Variants in TENM4 observed in about 807,000 individuals in gnomAD.
TENM4 encodes teneurin transmembrane protein 4.
Under a neutral mutation model 243.3 loss-of-function variants are expected in TENM4, and 82 were observed. The ratio of observed to expected loss-of-function variants is 0.34; its 90% CI spans 0.28 to 0.40. The LOEUF (loss-of-function observed/expected upper bound fraction) is 0.40, where lower values mean the gene tolerates loss of function less well. TENM4 is among the 10% of genes least tolerant of loss of function. TENM4 has a pLI of 1.00. For synonymous variants in TENM4, 1,412 were observed against 1,456.3 expected (o/e 0.97, Z 0.69); for missense variants, 3,138 against 3,673.3 (o/e 0.85, Z 3.77).
At chr11:78,809,312 T>A (rs1857448736) in intron 14 of TENM4, among the ~76,000 whole-genome samples, 1 of 152,108 alleles carries the variant, frequency 6.6e-6, no homozygotes. Flanking sequence ...CTGGGTCAAG[T>A]TATTGTGGAG....
intron 2 of TENM4, among the ~76,000 whole-genome samples, chr11:79,225,165 T>A (rs1250832719): frequency 6.6e-6 from 1 of 152,138 alleles, no homozygotes; most frequent in Admixed American, 6.5e-5. Flanking sequence ...AGACAATACG[T>A]TTCCAGTGTT....
At chr11:78,853,429 C>T (rs1858591996) in intron 12 of TENM4, among the ~76,000 whole-genome samples, 1 of 152,192 alleles carries the variant, frequency 6.6e-6, no homozygotes. Context: ...CAGACACCTA[C>T]AGGCTTCTGA....
intron 6 of TENM4, among the ~76,000 whole-genome samples, chr11:78,920,432 A>G (rs1856423272): frequency 6.6e-6 from 1 of 152,238 alleles, no homozygotes. Context: ...TGGACAGACC[A>G]TGACCTGTGT....
intron 4 of TENM4, among the ~76,000 whole-genome samples, chr11:79,103,155 G>T (rs1861276928): frequency 6.6e-6 from 1 of 152,076 alleles, no homozygotes; most frequent in South Asian, 2.1e-4. Flanking sequence ...TGCCTTGTCT[G>T]CCTGGTAACC....
intron 1 of TENM4, among the ~76,000 whole-genome samples, chr11:79,305,098 T>A (rs1324432620): frequency 6.6e-6 from 1 of 152,202 alleles, no homozygotes; most frequent in Non-Finnish European, 1.5e-5. Context: ...TGTTGATTGC[T>A]TACTGTGAAC....
intron 3 of TENM4, among the ~76,000 whole-genome samples, chr11:79,212,944 G>A (rs1412019205): frequency 6.6e-6 from 1 of 152,188 alleles, no homozygotes; most frequent in African/African-American, 2.4e-5. Flanking sequence ...GCCAGATGCT[G>A]TTCTGGTCCA....
chr11:78,905,498 T>A (rs370556080), intron 6 of TENM4, among the ~76,000 whole-genome samples: 1 of 152,216 alleles, frequency 6.6e-6, no homozygotes, highest in African/African-American at 2.4e-5. Context: ...AGCCCACACC[T>A]GGCTTATTAA....
chr11:78,923,493 G>C (rs1856490978), intron 6 of TENM4, among the ~76,000 whole-genome samples: 2 of 151,936 alleles, frequency 1.3e-5, no homozygotes, highest in African/African-American at 4.8e-5. Flanking sequence ...AAACTCCATG[G>C]GAAGATTTCC....
In TENM4 at chr11:78,676,223, T is replaced by C; in HGVS notation, c.5425A>G (p.Asn1809Asp). 1 of 1,600,156 alleles carries C rather than the reference T, an allele frequency of 6.2e-7. No homozygotes were observed. The highest frequency in any genetic ancestry group is 8.5e-7 in the Non-Finnish European group (1 of 1,172,300). The change falls in exon 30 of 34, where the codon AAC (asparagine) becomes GAC (aspartate). Residue 1809 changes from asparagine to aspartate, a missense_variant. Physicochemically the swap from Asn to Asp is conservative, Grantham distance 23. Transcript: ENST00000278550. ...NVTLPIDNGL[N>D]LVEWRQRKEQ... ...TTGCGCTGGCGCCACTCCACCAGGT[T>C]GAGGCCGTTGTCGATGGGCAGCGTG...
chr11:78,960,103 A>G (rs1289629909), intron 6 of TENM4, among the ~76,000 whole-genome samples: 1 of 152,122 alleles, frequency 6.6e-6, no homozygotes, highest in Non-Finnish European at 1.5e-5. Context: ...CCAAGGATAA[A>G]TAGCCAGTGA....
At chr11:78,830,199 C>T (rs1455088042) in intron 12 of TENM4, among the ~76,000 whole-genome samples, 2 of 152,202 alleles carry the variant, frequency 1.3e-5, no homozygotes, top group South Asian at 2.1e-4. Context: ...TAGAACCCCC[C>T]GGGGCATTTC....
intron 2 of TENM4, among the ~76,000 whole-genome samples, chr11:79,239,439 C>T (rs1392199585): frequency 2.0e-5 from 3 of 152,174 alleles, no homozygotes; most frequent in African/African-American, 7.2e-5. Flanking sequence ...GTGTTACCCT[C>T]ATTTTATAGA....
intron 6 of TENM4, among the ~76,000 whole-genome samples, chr11:78,925,177 A>G (rs1023059014): frequency 3.9e-5 from 6 of 152,194 alleles, no homozygotes; most frequent in African/African-American, 7.2e-5. Flanking sequence ...AAAACAGAGC[A>G]AAGAGCGTCA....
At position 78,702,181 on chromosome 11, in the gene TENM4, T is replaced by C. The variant is rs771852058; in HGVS notation, c.4432A>G (p.Asn1478Asp). 2.9e-5 allele frequency: 46 copies of C among 1,613,886 alleles called. No individual in the cohort carries two copies. The Admixed American group carries it at 7.5e-4, about 26-fold the overall frequency. Reference protein sequence around the residue: ...ESATALAVSHNGVLYIAETDE... With the variant: ...ESATALAVSHDGVLYIAETDE... ...GTCTCAGCAATATACAGGACCCCAT[T>C]GTGTGAAACAGCCAAAGCGGTGGCT... The change falls in exon 28 of 34, where the codon AAT (asparagine) becomes GAT (aspartate). Residue 1478 changes from asparagine to aspartate, a missense_variant. By Grantham distance (23) the Asn-to-Asp change is conservative (BLOSUM62 1). Around this residue, in one of 2 missense-constraint regions of TENM4, gnomAD observed 2,467 missense variants for 3,059.1 expected, o/e 0.81. Coordinates refer to ENST00000278550, the MANE Select transcript of TENM4 (RefSeq NM_001098816.3).
intron 7 of TENM4, among the ~76,000 whole-genome samples, chr11:78,893,076 C>A (rs1195905722): frequency 3.9e-5 from 6 of 152,212 alleles, no homozygotes; most frequent in Admixed American, 2.0e-4. Context: ...GTGGTGGGGA[C>A]CTCCTCTTTT....
chr11:79,038,827 A>C (rs1407898853), intron 6 of TENM4, among the ~76,000 whole-genome samples: 1 of 152,220 alleles, frequency 6.6e-6, no homozygotes. Flanking sequence ...CAAGAAGCCT[A>C]GCCTCATAGA....
intron 16 of TENM4, among the ~76,000 whole-genome samples, chr11:78,782,456 G>A (rs557653642): frequency 3.9e-5 from 6 of 152,348 alleles, no homozygotes; most frequent in African/African-American, 1.4e-4. Context: ...AATTAGCCAG[G>A]TGTGGTGGCG....
At chr11:79,056,383 A>T (rs1859943589) in intron 6 of TENM4, among the ~76,000 whole-genome samples, 1 of 151,972 alleles carries the variant, frequency 6.6e-6, no homozygotes, top group Non-Finnish European at 1.5e-5. Context: ...TGCTGCCACC[A>T]GGGAGAGTCA....
intron 3 of TENM4, among the ~76,000 whole-genome samples, chr11:79,157,536 C>G (rs1448540491): frequency 6.6e-6 from 1 of 152,160 alleles, no homozygotes; most frequent in Non-Finnish European, 1.5e-5. Context: ...GTCTTGCCAT[C>G]TGTAACTCAG....
Sources: gnomAD v4.1 joint callset for allele counts (sites outside exome capture counted in the v4.1 genomes callset) on GRCh38, gnomAD v4.1.1 for gene constraint, gnomAD v4.1.1 regional missense constraint, MANE v1.5 for transcripts, NCBI Gene and HGNC (gene_info 2026-07-23, HGNC 2026-07-21) for gene names.